Variants in ANKS1B observed in about 807,000 individuals in gnomAD.
The protein encoded by ANKS1B is ankyrin repeat and sterile alpha motif domain-containing protein 1B.
In ANKS1B, 36 loss-of-function variants were observed where a neutral mutation model predicts 148.3. The ratio of observed to expected loss-of-function variants is 0.24; its 90% CI spans 0.19 to 0.32. The LOEUF is 0.32. Among genes scored for constraint, ANKS1B ranks in the 10% least tolerant of loss-of-function variants. ANKS1B has a pLI of 1.00. For synonymous variants in ANKS1B, 542 were observed against 560.8 expected, an observed-to-expected ratio of 0.97 and a Z score of 0.47; for missense variants, 1,157 against 1,542.6, an observed-to-expected ratio of 0.75 and a Z score of 4.19.
chr12:99,180,631 T>G lies in ANKS1B; in HGVS notation c.2420-26236A>C, dbSNP rs557447464. 9.7e-3 allele frequency among the ~76,000 whole-genome samples: 1,464 copies of G among 151,580 alleles called. 15 individuals carry two copies. The highest frequency in any genetic ancestry group is 0.016 in the Non-Finnish European group (1,066 of 67,840). ...AAAGTTCTTTGAGGGAAAGGGTTTTTTTTTTTTTTTTTTTTTAATCTGAAC... is the reference window on the plus strand; with the variant it reads ...AAAGTTCTTTGAGGGAAAGGGTTTTGTTTTTTTTTTTTTTTTAATCTGAAC... On this transcript the variant is annotated intron_variant, in intron 14 of 26. Transcript: ENST00000683438.
chr12:99,590,561 A>C (rs2097693077), intron 9 of ANKS1B, among the ~76,000 whole-genome samples: 1 of 152,182 alleles, frequency 6.6e-6, no homozygotes. Context: ...CCCAGAGACT[A>C]AATGGGAGCA....
At chr12:98,887,585 A>AT (rs890202372) in intron 17 of ANKS1B, among the ~76,000 whole-genome samples, 3 of 151,294 alleles carry the variant, frequency 2.0e-5, no homozygotes, top group African/African-American at 4.9e-5. Flanking sequence ...GTTTTTCTTT[A>AT]TTTTTTTTCT....
intron 19 of ANKS1B, among the ~76,000 whole-genome samples, chr12:98,819,289 A>G (rs921256399): frequency 1.3e-5 from 2 of 152,264 alleles, no homozygotes; most frequent in East Asian, 3.8e-4. Context: ...AGAAAAGCAC[A>G]GTAAGAATGA....
downstream of ANKS1B, among the ~76,000 whole-genome samples, chr12:98,739,628 C>T (rs1156821167): frequency 6.6e-6 from 1 of 151,756 alleles, no homozygotes; most frequent in Non-Finnish European, 1.5e-5. Context: ...CTGTCTTCTG[C>T]CATCTTGATT....
chr12:99,305,680 G>C (rs1314337492), intron 12 of ANKS1B, among the ~76,000 whole-genome samples: 6 of 152,012 alleles, frequency 3.9e-5, no homozygotes, highest in Non-Finnish European at 8.8e-5. Context: ...GTCAAATAGG[G>C]GATTCTCTCT....
intron 12 of ANKS1B, among the ~76,000 whole-genome samples, chr12:99,283,906 C>G (rs2078787255): frequency 6.6e-6 from 1 of 152,050 alleles, no homozygotes; most frequent in Non-Finnish European, 1.5e-5. Context: ...CAACATTTAC[C>G]ACTGAATACT....
rs1416734659 is a variant in ANKS1B, at chr12:99,246,139, C to T, written c.2346+136G>A. ...AAATTACCATGCATTACCCACAGAA[C>T]CATTTCATTCCAGTTGGAGCCGTAT... On this transcript the variant is annotated intron_variant, in intron 13 of 26. Coordinates refer to ENST00000683438, the MANE Select transcript of ANKS1B (RefSeq NM_001352186.2). 4 of 633,620 alleles carry T rather than the reference C, an allele frequency of 6.3e-6. No individual in the cohort carries two copies. In the African/African-American group the frequency reaches 7.4e-5, roughly 12 times the overall value. The allele number at this position is 633,620 out of a possible 1,614,324, so 39.2% of individuals were successfully genotyped here.
intron 14 of ANKS1B, among the ~76,000 whole-genome samples, chr12:99,196,328 C>T (rs565066591): frequency 6.6e-6 from 1 of 152,236 alleles, no homozygotes; most frequent in African/African-American, 2.4e-5. Context: ...TGGATACTTG[C>T]TCTTATTTCC....
At chr12:99,718,545 G>C (rs1488283757) in intron 8 of ANKS1B, among the ~76,000 whole-genome samples, 8 of 152,172 alleles carry the variant, frequency 5.3e-5, no homozygotes, top group Non-Finnish European at 1.0e-4. Context: ...GCCTGTTACA[G>C]CATGGGCTTT....
intron 8 of ANKS1B, among the ~76,000 whole-genome samples, chr12:99,704,707 C>A (rs1428251183): frequency 6.6e-6 from 1 of 151,976 alleles, no homozygotes; most frequent in African/African-American, 2.4e-5. Flanking sequence ...CAAGCCAGGT[C>A]AAGAAAGTAG....
At chr12:99,091,829 T>C (rs978086672) in intron 15 of ANKS1B, among the ~76,000 whole-genome samples, 8 of 152,158 alleles carry the variant, frequency 5.3e-5, no homozygotes, top group Non-Finnish European at 1.2e-4. Flanking sequence ...CTTGTTCCCA[T>C]AGCTGATAGG....
chr12:99,306,257 G>A (rs973108880), intron 12 of ANKS1B, among the ~76,000 whole-genome samples: 10 of 152,082 alleles, frequency 6.6e-5, no homozygotes, highest in African/African-American at 2.4e-4. Context: ...CTCACAAGGT[G>A]CAAGTGGGGT....
chr12:99,974,503 T>C (rs1255456284), intron 1 of ANKS1B, among the ~76,000 whole-genome samples: 2 of 151,898 alleles, frequency 1.3e-5, no homozygotes, highest in Non-Finnish European at 2.9e-5. Flanking sequence ...AAAAAGAAAA[T>C]ACTTTTCTAT....
At chr12:99,443,010 T>C (rs1349098926) in intron 11 of ANKS1B, among the ~76,000 whole-genome samples, 1 of 151,862 alleles carries the variant, frequency 6.6e-6, no homozygotes, top group East Asian at 1.9e-4. Flanking sequence ...CTATTTTCAA[T>C]GAAATATCAC....
At chr12:98,746,325 C>T (rs1384961690) in intron 26 of ANKS1B, among the ~76,000 whole-genome samples, 15 of 152,158 alleles carry the variant, frequency 9.9e-5, no homozygotes, top group Admixed American at 9.8e-4. Flanking sequence ...TCTGCTGCAG[C>T]CACACAGCTT....
At position 99,809,932 on chromosome 12, in the gene ANKS1B, C is replaced by T. The variant is rs77602874; in HGVS notation, c.372+2223G>A. Among the ~76,000 whole-genome samples the T allele has an allele frequency of 2.7e-3, 408 of 152,158 alleles. 1 individual carries two copies. The highest frequency in any genetic ancestry group is 8.8e-3 in the African/African-American group (365 of 41,562). ...TAGTAGCTGTGATGTTACGGTCAAT[C>T]TACTCTATCTCTCTAAGGCTGTAAC... On this transcript the variant is annotated intron_variant, in intron 3 of 26. Transcript: ENST00000683438.
intron 12 of ANKS1B, among the ~76,000 whole-genome samples, chr12:99,280,167 TGTGTATGTGTGTGTGTGTAC>T (rs1302781310): frequency 6.0e-5 from 9 of 149,306 alleles, no homozygotes; most frequent in Non-Finnish European, 4.4e-5. Flanking sequence ...TGTGTGTGTG[TGTGTATGTGTGTGTGTGTAC>T]GTGCATGTGT....
At chr12:98,956,651 T>G (rs2099862647) in intron 17 of ANKS1B, among the ~76,000 whole-genome samples, 1 of 152,062 alleles carries the variant, frequency 6.6e-6, no homozygotes, top group South Asian at 2.1e-4. Context: ...CTTCATATGT[T>G]ACAAGCACTA....
At chr12:98,914,371 C>T (rs904388216) in intron 17 of ANKS1B, among the ~76,000 whole-genome samples, 3 of 152,160 alleles carry the variant, frequency 2.0e-5, no homozygotes, top group Non-Finnish European at 4.4e-5. Context: ...TTATAAATTA[C>T]CCAGCCTCAG....
Sources: allele counts gnomAD v4.1 joint callset (sites outside exome capture counted in the v4.1 genomes callset), GRCh38; gene constraint gnomAD v4.1.1; transcripts MANE v1.5; gene names NCBI Gene and HGNC (gene_info 2026-07-23, HGNC 2026-07-21).